The following DPF3 variants were observed in gnomAD, a reference collection of about 807,000 sequenced individuals.
The protein encoded by DPF3 is zinc finger protein DPF3.
DPF3 carries 18 observed loss-of-function variants against 56.8 expected under a neutral mutation model. The observed-to-expected ratio is 0.32, with a 90% confidence interval of 0.22 to 0.47. The LOEUF (loss-of-function observed/expected upper bound fraction) is 0.47. DPF3 is among the 20% of genes least tolerant of loss of function. The pLI is 1.00. For synonymous variants in DPF3, 188 were observed against 180.2 expected (o/e 1.04, Z -0.35); for missense variants, 403 against 488.8 (o/e 0.82, Z 1.65).
chr14:72,651,988 C>A lies in DPF3; in HGVS notation c.871+22252G>T, dbSNP rs532465823. Among the ~76,000 whole-genome samples, 9 of 152,324 alleles carry A rather than the reference C, an allele frequency of 5.9e-5. No individual in the cohort carries two copies. The South Asian group carries it at 1.9e-3, about 32-fold the overall frequency. On this transcript the variant is annotated intron_variant, in intron 8 of 10. Transcript: ENST00000556509. ...GGATGGGTTCTCCCTGGGGCTGGCA[C>A]GACTCTGTCACTGCACATGTGCATT...
chr14:72,722,319 C>A (rs1245074923), intron 5 of DPF3, among the ~76,000 whole-genome samples: 1 of 152,200 alleles, frequency 6.6e-6, no homozygotes, highest in Non-Finnish European at 1.5e-5. Flanking sequence ...GAGCTGCCCG[C>A]CCAGCCCCTG....
At chr14:72,641,232 GAAGAA>G (rs1885555442) in intron 8 of DPF3, among the ~76,000 whole-genome samples, 1 of 152,198 alleles carries the variant, frequency 6.6e-6, no homozygotes, top group Admixed American at 6.5e-5. Flanking sequence ...AGCGCAGAGA[GAAGAA>G]CTCATACACA....
intron 8 of DPF3, among the ~76,000 whole-genome samples, chr14:72,656,740 C>T (rs1310989635): frequency 6.6e-6 from 1 of 152,190 alleles, no homozygotes. Context: ...CCAAACACTG[C>T]CCCTTTTCAG....
intron 1 of DPF3, among the ~76,000 whole-genome samples, 167 bp from the exon 2 acceptor site, chr14:72,772,060 T>G (rs1223684843): frequency 6.6e-6 from 1 of 152,212 alleles, no homozygotes; most frequent in Non-Finnish European, 1.5e-5. Context: ...AGAATGCAAC[T>G]CAATGTCAGG....
intron 6 of DPF3, among the ~76,000 whole-genome samples, chr14:72,695,800 T>G (rs1238251361): frequency 6.6e-6 from 1 of 152,138 alleles, no homozygotes; most frequent in African/African-American, 2.4e-5. Flanking sequence ...CTTAGCATTA[T>G]GTAATATATG....
intron 4 of DPF3, 121 bp downstream of exon 4, chr14:72,731,686 G>T: frequency 1.5e-6 from 2 of 1,351,562 alleles, no homozygotes; most frequent in Admixed American, 2.4e-5. Context: ...TAGAAACAAG[G>T]CAGTCTGAGA....
chr14:72,766,359 G>C (rs1368020342), intron 2 of DPF3, among the ~76,000 whole-genome samples: 8 of 152,152 alleles, frequency 5.3e-5, no homozygotes, highest in Non-Finnish European at 1.0e-4. Context: ...ACCAGCTAGG[G>C]ACTTTGGGAC....
At chr14:72,866,015 C>G (rs908239705) in intron 1 of DPF3, among the ~76,000 whole-genome samples, 1 of 152,064 alleles carries the variant, frequency 6.6e-6, no homozygotes, top group African/African-American at 2.4e-5. Flanking sequence ...CCATTGCACT[C>G]CAGCCTAGGT....
chr14:72,661,528 G>A (rs1046230055), intron 8 of DPF3: 2 of 985,506 alleles, frequency 2.0e-6, no homozygotes, highest in Non-Finnish European at 2.4e-6. Context: ...GAGCCTGCGG[G>A]TAGAACCCAG....
intron 1 of DPF3, among the ~76,000 whole-genome samples, chr14:72,847,205 CA>C (rs2140078007): frequency 6.6e-6 from 1 of 152,316 alleles, no homozygotes; most frequent in East Asian, 1.9e-4. Context: ...ACTGAGCATT[CA>C]CTCTGGACCA....
chr14:72,612,736 G>A lies in DPF3; in HGVS notation c.*6561C>T. 2.4e-6 allele frequency: 1 copy of A among 408,886 alleles called. No individual in the cohort carries two copies. The highest frequency in any genetic ancestry group is 4.9e-6 in the Non-Finnish European group (1 of 204,850). 25.3% of individuals were successfully genotyped at this position (408,886 alleles called of 1,614,324 possible). ...TGATAGCAGAATTGAGACTTTTGAA[G>A]TACCCAACTATTGCCAAATATCTTT... is the stretch of plus-strand genomic sequence containing the variant. On this transcript the variant is annotated 3_prime_UTR_variant, in exon 11 of 11. Transcript: ENST00000556509.
At chr14:72,874,674 A>G (rs1406254561) in intron 1 of DPF3, among the ~76,000 whole-genome samples, 1 of 152,174 alleles carries the variant, frequency 6.6e-6, no homozygotes, top group Admixed American at 6.5e-5. Flanking sequence ...ATCTGAGACA[A>G]CCTCAGCCTG....
chr14:72,659,967 A>G (rs1240290566), intron 8 of DPF3, among the ~76,000 whole-genome samples: 1 of 152,234 alleles, frequency 6.6e-6, no homozygotes, highest in Non-Finnish European at 1.5e-5. Context: ...CAAATGCTGT[A>G]TGATTCCATT....
At chr14:72,780,700 T>C (rs1382696787) in intron 1 of DPF3, among the ~76,000 whole-genome samples, 1 of 152,236 alleles carries the variant, frequency 6.6e-6, no homozygotes, top group African/African-American at 2.4e-5. Flanking sequence ...CTTCAGCTCC[T>C]GAGATTTTCA....
intron 1 of DPF3, among the ~76,000 whole-genome samples, chr14:72,863,620 A>G (rs544806441): frequency 6.6e-6 from 1 of 151,384 alleles, no homozygotes; most frequent in East Asian, 1.9e-4. Context: ...CCACATGCCT[A>G]TATAGAGTGG....
chr14:72,636,239 C>G (rs1248806096), intron 8 of DPF3, among the ~76,000 whole-genome samples: 2 of 152,202 alleles, frequency 1.3e-5, no homozygotes, highest in African/African-American at 4.8e-5. Context: ...TCTATATTCT[C>G]ATACACATAT....
At chr14:72,806,362 C>A (rs747797859) in intron 1 of DPF3, among the ~76,000 whole-genome samples, 9 of 152,138 alleles carry the variant, frequency 5.9e-5, no homozygotes, top group Non-Finnish European at 1.0e-4. Context: ...TCTACTCATT[C>A]ATTTAGTTCC....
chr14:72,698,433 C>T (rs1366208645), intron 6 of DPF3, among the ~76,000 whole-genome samples: 1 of 152,220 alleles, frequency 6.6e-6, no homozygotes, highest in East Asian at 1.9e-4. Flanking sequence ...AATACCAGCA[C>T]TTTGAGGGGC....
chr14:72,826,503 A>C (rs899219023), intron 1 of DPF3, among the ~76,000 whole-genome samples: 1 of 152,204 alleles, frequency 6.6e-6, no homozygotes, highest in African/African-American at 2.4e-5. Context: ...AATTGCCTCT[A>C]TCCTGATCTG....
Sources: gnomAD v4.1 joint callset for allele counts (sites outside exome capture counted in the v4.1 genomes callset) on GRCh38, gnomAD v4.1.1 for gene constraint, MANE v1.5 for transcripts, NCBI Gene and HGNC (gene_info 2026-07-23, HGNC 2026-07-21) for gene names.